Variants in PIEZO2 observed in about 807,000 individuals in gnomAD.
PIEZO2 encodes piezo-type mechanosensitive ion channel component 2.
PIEZO2 carries 172 observed loss-of-function variants against 337.3 expected under a neutral mutation model. The ratio of observed to expected loss-of-function variants is 0.51; its 90% CI spans 0.45 to 0.58. PIEZO2 has a LOEUF of 0.58. Among genes scored for constraint, PIEZO2 ranks in the 20% least tolerant of loss-of-function variants. The pLI is 0.00. For missense variants in PIEZO2, 3,028 were observed against 3,391.3 expected (o/e 0.89, Z 2.66); for synonymous variants, 1,251 against 1,228.5 (o/e 1.02, Z -0.38).
intron 37 of PIEZO2, 112 bp downstream of exon 37, chr18:10,718,088 C>T: frequency 1.1e-6 from 1 of 921,114 alleles, no homozygotes. Context: ...TACTCATAGT[C>T]CAGAAAACAG....
In PIEZO2 at chr18:11,094,292, C is replaced by T. The variant is rs1447985558; in HGVS notation, c.65-28070G>A. ...CCAAATCACTGGGGAAGCCATTTATCATTGAAATTTTACAAATGGGGAAGC... is the reference window on the plus strand; with the variant it reads ...CCAAATCACTGGGGAAGCCATTTATTATTGAAATTTTACAAATGGGGAAGC... On this transcript the variant is annotated intron_variant, in intron 1 of 55. Coordinates refer to ENST00000674853, the MANE Select transcript of PIEZO2 (RefSeq NM_001378183.1). The surrounding 1 kb of genome is among the most constrained non-coding windows in gnomAD (Gnocchi z 4.4). Among the ~76,000 whole-genome samples the T allele has an allele frequency of 6.6e-6, 1 of 152,140 alleles. No individual in the cohort carries two copies. The highest frequency in any genetic ancestry group is 1.5e-5 in the Non-Finnish European group (1 of 68,020).
At chr18:10,829,540 T>C (rs1404282981) in intron 7 of PIEZO2, among the ~76,000 whole-genome samples, 2 of 152,282 alleles carry the variant, frequency 1.3e-5, no homozygotes, top group East Asian at 1.9e-4. Context: ...TATGATCTTA[T>C]ATTTGGAAAA....
chr18:10,758,261 T>C (rs944799936), intron 26 of PIEZO2, 127 bp from the exon 27 acceptor site: 2 of 1,127,930 alleles, frequency 1.8e-6, no homozygotes, highest in Non-Finnish European at 2.5e-6. Context: ...CCAAAGTTCA[T>C]AGTAAAATTC....
In PIEZO2 at chr18:11,080,155, A is replaced by G. The variant is rs917612755; in HGVS notation, c.65-13933T>C. Among the ~76,000 whole-genome samples the G allele has an allele frequency of 2.0e-5, 3 of 152,220 alleles. No homozygotes were observed. Among genetic ancestry groups the G allele is most frequent in the Non-Finnish European group, 4.4e-5 (3 of 68,044 alleles). On this transcript the variant is annotated intron_variant, in intron 1 of 55. Transcript: ENST00000674853. The surrounding 1 kb of genome is among the most constrained non-coding windows in gnomAD (Gnocchi z 5.4). Reference sequence around the variant, plus strand: ...TCATCTACACAGAAAACACCTATAAAAATAACAGACTATTAACAGTAGTTG... The same window carrying G: ...TCATCTACACAGAAAACACCTATAAGAATAACAGACTATTAACAGTAGTTG...
intron 2 of PIEZO2, among the ~76,000 whole-genome samples, chr18:10,990,618 TTA>T (rs779345370): frequency 1.8e-4 from 28 of 151,922 alleles, no homozygotes; most frequent in Non-Finnish European, 2.1e-4. Context: ...ATCTGTAGAT[TTA>T]TATGTTTATA....
At position 11,112,820 on chromosome 18, in the gene PIEZO2, G is replaced by A. The variant is rs140473293; in HGVS notation, c.64+35705C>T. On this transcript the variant is annotated intron_variant, in intron 1 of 55. Coordinates refer to ENST00000674853, the MANE Select transcript of PIEZO2 (RefSeq NM_001378183.1). The surrounding 1 kb of genome is among the most constrained non-coding windows in gnomAD (Gnocchi z 4.3). ...TAGGTCACCGACAAGAGGAAGAGGC[G>A]CTATGGAGAAGAAGGAGCAAGCCAG... Among the ~76,000 whole-genome samples the A allele has an allele frequency of 1.7e-3, 261 of 152,252 alleles. No individual in the cohort carries two copies. Among genetic ancestry groups the A allele is most frequent in the African/African-American group, 5.8e-3 (243 of 41,544 alleles).
chr18:10,797,959 A>T (rs1388618252), intron 11 of PIEZO2, among the ~76,000 whole-genome samples: 1 of 152,182 alleles, frequency 6.6e-6, no homozygotes, highest in African/African-American at 2.4e-5. Context: ...GCTCTCTCTT[A>T]TTCTCTCACC....
rs1285884455 is a variant in PIEZO2, at chr18:10,673,663, A to G, written c.8162-790T>C. 6.6e-6 allele frequency among the ~76,000 whole-genome samples: 1 copy of G among 152,196 alleles called. No homozygotes were observed. The highest frequency in any genetic ancestry group is 2.4e-5 in the African/African-American group (1 of 41,458). On this transcript the variant is annotated intron_variant, in intron 54 of 55. Coordinates refer to ENST00000674853, the MANE Select transcript of PIEZO2 (RefSeq NM_001378183.1). This position sits in a 1 kb window ranked among gnomAD's most constrained non-coding sequence, Gnocchi z 4.8. ...AAGATAGGGTAAAAAGCTTGTAGTG[A>G]CATTGTATAGGTCTTTCTAAGAAGA... is the stretch of plus-strand genomic sequence containing the variant.
chr18:10,804,504 G>A (rs550062465), intron 8 of PIEZO2, among the ~76,000 whole-genome samples: 52 of 152,318 alleles, frequency 3.4e-4, no homozygotes, highest in African/African-American at 1.2e-3. Context: ...GGAATACGAG[G>A]AACAGAAGCG....
Position 10,800,396 on chromosome 18 carries a change from C to T in PIEZO2, c.1319G>A (p.Gly440Asp). The T allele has an allele frequency of 2.6e-6, 4 of 1,536,114 alleles. No homozygotes were observed. Among genetic ancestry groups the T allele is most frequent in the Non-Finnish European group, 3.5e-6 (4 of 1,146,412 alleles). Residue 440 changes from glycine to aspartate, a missense_variant, in exon 11 of 56, where the codon GGC (glycine) becomes GAC (aspartate). Transcript: ENST00000674853. ...HPSLPMENGP[G>D]KADLYSTPQY... The stretch of plus-strand genomic sequence containing the variant: ...AGGGGTGGAGTAGAGGTCGGCTTTG[C>T]CAGGGCCGTTCTCCATGGGCAGGCT...
intron 2 of PIEZO2, among the ~76,000 whole-genome samples, chr18:11,026,978 C>T (rs973311916): frequency 1.3e-5 from 2 of 152,140 alleles, no homozygotes; most frequent in Admixed American, 6.5e-5. Flanking sequence ...TGGGAGCGCT[C>T]GTCTCCAAGC....
chr18:11,066,151 C>A lies in PIEZO2; in HGVS notation c.136G>T (p.Glu46Ter). ...IYLLLIPLFS[E>*]PTKTTMQGHT... ...CCTTGCATCGTCGTTTTTGTTGGTT[C>A]TGAGAACAGAGGAATGAGCAAGAGG... is the stretch of plus-strand genomic sequence containing the variant. The change falls in exon 2 of 56, where the codon GAA (glutamate) becomes TAA (stop). Residue 46 changes from glutamate to a stop codon, truncating the protein, a stop_gained. Transcript: ENST00000674853. LOFTEE classifies it high-confidence loss of function. The A allele has an allele frequency of 2.1e-5, 31 of 1,469,802 alleles. No individual in the cohort carries two copies. Among genetic ancestry groups the A allele is most frequent in the African/African-American group, 4.2e-5 (3 of 71,012 alleles). The allele number at this position is 1,469,802 out of a possible 1,614,324, so 91.0% of individuals were successfully genotyped here. A position where few individuals can be genotyped will look rare whatever the true frequency, so the allele number is the denominator to read the frequency against.
rs923139009 is a variant in PIEZO2, at chr18:10,877,229, C to T, written c.330-5814G>A. Among the ~76,000 whole-genome samples, 3 of 152,210 alleles carry T rather than the reference C, an allele frequency of 2.0e-5. No homozygotes were observed. The highest frequency in any genetic ancestry group is 4.8e-5 in the African/African-American group (2 of 41,452). On this transcript the variant is annotated intron_variant, in intron 4 of 55. Coordinates refer to ENST00000674853, the MANE Select transcript of PIEZO2 (RefSeq NM_001378183.1). This position sits in a 1 kb window ranked among gnomAD's most constrained non-coding sequence, Gnocchi z 5.3. ...TCCCCAAGGCCCTAATCAGCATCCACATGGTGACTTATCCATTCATTTCAA... is the reference window on the plus strand; with the variant it reads ...TCCCCAAGGCCCTAATCAGCATCCATATGGTGACTTATCCATTCATTTCAA...
rs2033406671 is a variant in PIEZO2, at chr18:10,953,868, A to G, written c.286+25667T>C. On this transcript the variant is annotated intron_variant, in intron 3 of 55. Transcript: ENST00000674853. The surrounding 1 kb of genome is among the most constrained non-coding windows in gnomAD (Gnocchi z 5.2). ...GGCAGGCTTTGAATATCAACAGCAC[A>G]GGGTGCCCCTGGTTACTATGTGAGG... Among the ~76,000 whole-genome samples, 1 of 152,096 alleles carries G rather than the reference A, an allele frequency of 6.6e-6. No individual in the cohort carries two copies. The highest frequency in any genetic ancestry group is 2.4e-5 in the African/African-American group (1 of 41,352).
chr18:11,038,068 G>T lies in PIEZO2; in HGVS notation c.160+28059C>A, dbSNP rs2036985577. Among the ~76,000 whole-genome samples, 1 of 152,132 alleles carries T rather than the reference G, an allele frequency of 6.6e-6. No individual in the cohort carries two copies. Among genetic ancestry groups the T allele is most frequent in the Non-Finnish European group, 1.5e-5 (1 of 68,026 alleles). On this transcript the variant is annotated intron_variant, in intron 2 of 55. Transcript: ENST00000674853. The surrounding 1 kb of genome is among the most constrained non-coding windows in gnomAD (Gnocchi z 4.1). The stretch of plus-strand genomic sequence containing the variant: ...CAGTAGGTGAGATGTAAGATAAGAA[G>T]GAGGAAGTCACACTTGTTTTTCATT...
rs1440061197 is a variant in PIEZO2 at position 10,861,501 on chromosome 18, A to T, written c.493-4290T>A. The stretch of plus-strand genomic sequence containing the variant: ...ATATGCTAATTGAAATAAGCCAGGC[A>T]CAGAAAGACAAATACGGCATGATCT... On this transcript the variant is annotated intron_variant, in intron 5 of 55. Coordinates refer to ENST00000674853, the MANE Select transcript of PIEZO2 (RefSeq NM_001378183.1). This position sits in a 1 kb window ranked among gnomAD's most constrained non-coding sequence, Gnocchi z 4.3. 6.6e-6 allele frequency among the ~76,000 whole-genome samples: 1 copy of T among 152,260 alleles called. No individual in the cohort carries two copies.
rs1275237908 is a variant in PIEZO2 at position 10,929,009 on chromosome 18, A to G, written c.287-17781T>C. 1.3e-5 allele frequency among the ~76,000 whole-genome samples: 2 copies of G among 152,184 alleles called. No individual in the cohort carries two copies. The highest frequency in any genetic ancestry group is 4.8e-5 in the African/African-American group (2 of 41,444). ...AAATGCATTAACAGGAGAGAGAAAA[A>G]AAGATTTTTTGGTTTGTCTCACTGC... On this transcript the variant is annotated intron_variant, in intron 3 of 55. Coordinates refer to ENST00000674853, the MANE Select transcript of PIEZO2 (RefSeq NM_001378183.1). This position sits in a 1 kb window ranked among gnomAD's most constrained non-coding sequence, Gnocchi z 5.6.
Position 10,688,941 on chromosome 18 carries a change from A to G in PIEZO2, c.7497+714T>C, listed in dbSNP as rs1015834538. 3.9e-5 allele frequency among the ~76,000 whole-genome samples: 6 copies of G among 152,196 alleles called. No homozygotes were observed. In the South Asian group the frequency reaches 8.3e-4, roughly 21 times the overall value. On this transcript the variant is annotated intron_variant, in intron 49 of 55. Coordinates refer to ENST00000674853, the MANE Select transcript of PIEZO2 (RefSeq NM_001378183.1). The stretch of plus-strand genomic sequence containing the variant: ...CCCATCTCCCTCACTTCACAAACCC[A>G]TAAACAGAGAGCACAGTACAACAGG...
intron 2 of PIEZO2, among the ~76,000 whole-genome samples, chr18:11,049,983 G>A (rs1015134056): frequency 9.2e-5 from 14 of 152,210 alleles, no homozygotes; most frequent in East Asian, 1.9e-4. Context: ...TTCTTTAGTC[G>A]TATAATATGA....
Sources: allele counts gnomAD v4.1 joint callset (sites outside exome capture counted in the v4.1 genomes callset), GRCh38; gene constraint gnomAD v4.1.1; non-coding constraint Gnocchi (gnomAD v3.1); transcripts MANE v1.5; gene names NCBI Gene and HGNC (gene_info 2026-07-23, HGNC 2026-07-21).